The following NLGN1 variants were observed in gnomAD, a reference collection of about 807,000 sequenced individuals.
NLGN1 encodes neuroligin 1.
NLGN1 carries 12 observed loss-of-function variants against 65.5 expected under a neutral mutation model. The observed-to-expected ratio is 0.18, with a 90% CI of 0.12 to 0.30. The LOEUF is 0.30. NLGN1 is among the 10% of genes least tolerant of loss of function. The probability of loss-of-function intolerance (pLI) is 1.00; values close to 1 mark genes in which losing one functional copy is unlikely to be tolerated. For missense variants in NLGN1, 750 were observed against 1,007.1 expected, an observed-to-expected ratio of 0.74 and a Z score of 3.46; for synonymous variants, 350 against 359.5, an observed-to-expected ratio of 0.97 and a Z score of 0.30.
intron 3 of NLGN1, among the ~76,000 whole-genome samples, chr3:173,766,089 T>C (rs2150234296): frequency 7.5e-6 from 1 of 133,366 alleles, no homozygotes; most frequent in South Asian, 2.3e-4. Context: ...ATGTTTTGTC[T>C]TTTTTTTTTT....
chr3:173,445,267 C>T (rs1315974545), intron 2 of NLGN1, among the ~76,000 whole-genome samples: 7 of 103,488 alleles, frequency 6.8e-5, no homozygotes, highest in African/African-American at 3.0e-4. Context: ...GACTCCGTCT[C>T]AAAAAAAAAA....
chr3:173,722,655 G>A (rs1039931222), intron 3 of NLGN1, among the ~76,000 whole-genome samples: 3 of 152,080 alleles, frequency 2.0e-5, no homozygotes, highest in African/African-American at 7.2e-5. Flanking sequence ...CAAATCCAGA[G>A]TCTGTCACAC....
At chr3:173,507,577 T>C (rs13098458) in intron 2 of NLGN1, among the ~76,000 whole-genome samples, 56,844 of 151,956 alleles carry the variant, frequency 0.37, 12,768 homozygotes, top group East Asian at 0.82. Flanking sequence ...TTGTGATTGT[T>C]TTCAGGTAAT....
rs114290993 is a variant in NLGN1 at position 174,090,737 on chromosome 3, A to T, written c.647-184578A>T. 4.0e-3 allele frequency among the ~76,000 whole-genome samples: 591 copies of T among 146,992 alleles called. 3 individuals are homozygous for T. The highest frequency in any genetic ancestry group is 0.013 in the African/African-American group (527 of 40,462). On this transcript the variant is annotated intron_variant, in intron 4 of 6. Coordinates refer to ENST00000457714, the Ensembl canonical transcript of NLGN1. ...GAAGGTGAAATTTAAGAAAACAATG[A>T]TTTTTTTTTTTTTCAGAATGTTATG...
At chr3:173,459,294 C>T (rs183297668) in intron 2 of NLGN1, among the ~76,000 whole-genome samples, 2 of 152,192 alleles carry the variant, frequency 1.3e-5, no homozygotes, top group African/African-American at 4.8e-5. Context: ...GCTACACCAA[C>T]AATTCTAATT....
At chr3:174,112,443 T>C (rs1302419663) in intron 4 of NLGN1, among the ~76,000 whole-genome samples, 1 of 151,952 alleles carries the variant, frequency 6.6e-6, no homozygotes, top group Non-Finnish European at 1.5e-5. Context: ...AAAAAAAATG[T>C]GAGAGAAGCC....
chr3:173,868,836 G>T (rs765019875), intron 4 of NLGN1, among the ~76,000 whole-genome samples: 1 of 152,056 alleles, frequency 6.6e-6, no homozygotes, highest in Non-Finnish European at 1.5e-5. Flanking sequence ...GTCTCTAGTT[G>T]AGCTTAAACC....
intron 4 of NLGN1, among the ~76,000 whole-genome samples, chr3:173,991,113 T>G (rs1721009468): frequency 6.6e-6 from 1 of 152,128 alleles, no homozygotes; most frequent in Non-Finnish European, 1.5e-5. Flanking sequence ...GTGTTGTACA[T>G]TCCTTGAGTT....
chr3:173,622,599 C>T (rs1464119582), intron 3 of NLGN1, among the ~76,000 whole-genome samples: 1 of 151,566 alleles, frequency 6.6e-6, no homozygotes, highest in Non-Finnish European at 1.5e-5. Flanking sequence ...AAAAAAAAAC[C>T]CAAAGCTTAT....
chr3:174,104,728 G>A (rs1266412055), intron 4 of NLGN1, among the ~76,000 whole-genome samples: 1 of 152,140 alleles, frequency 6.6e-6, no homozygotes, highest in Non-Finnish European at 1.5e-5. Flanking sequence ...CAGATAAACA[G>A]GATTTTGTTA....
chr3:173,788,224 A>G lies in NLGN1; in HGVS notation c.494-19456A>G, dbSNP rs929522088. On this transcript the variant is annotated intron_variant, in intron 3 of 6. Transcript: ENST00000457714. The stretch of plus-strand genomic sequence containing the variant: ...CATTTTGCAAAAAAAAAAAAAAAAA[A>G]AAAGAAAAAGTTTATTTTTATCTTT... 1.3e-3 allele frequency among the ~76,000 whole-genome samples: 201 copies of G among 150,908 alleles called. 2 individuals are homozygous for G. The highest frequency in any genetic ancestry group is 5.6e-3 in the South Asian group (27 of 4,826).
chr3:173,773,388 G>C (rs573919381), intron 3 of NLGN1, among the ~76,000 whole-genome samples: 1 of 152,304 alleles, frequency 6.6e-6, no homozygotes, highest in South Asian at 2.1e-4. Flanking sequence ...TTCACAGGCA[G>C]CTTATTGGTC....
intron 4 of NLGN1, among the ~76,000 whole-genome samples, chr3:173,873,711 T>A (rs1198291323): frequency 6.6e-6 from 1 of 152,186 alleles, no homozygotes; most frequent in African/African-American, 2.4e-5. Flanking sequence ...TTCTCTTAAT[T>A]GTCATCATCT....
chr3:174,164,670 G>C (rs751568914), intron 4 of NLGN1, among the ~76,000 whole-genome samples: 4 of 152,046 alleles, frequency 2.6e-5, no homozygotes, highest in Non-Finnish European at 4.4e-5. Context: ...GATGGTTGTA[G>C]GTGTGTGGTT....
intron 4 of NLGN1, among the ~76,000 whole-genome samples, chr3:174,013,082 A>G (rs1172757645): frequency 6.6e-6 from 1 of 152,206 alleles, no homozygotes; most frequent in African/African-American, 2.4e-5. Flanking sequence ...GTAAATTCAG[A>G]AATGAGAGTA....
intron 4 of NLGN1, among the ~76,000 whole-genome samples, chr3:174,043,001 A>G (rs1732695899): frequency 6.6e-6 from 1 of 152,212 alleles, no homozygotes; most frequent in Non-Finnish European, 1.5e-5. Context: ...GAAACTTACA[A>G]TCATGGTGGA....
intron 4 of NLGN1, among the ~76,000 whole-genome samples, chr3:174,078,327 T>C (rs28435913): frequency 0.25 from 38,162 of 152,036 alleles, 5,602 homozygotes; most frequent in African/African-American, 0.41. Flanking sequence ...ACACAGCTTG[T>C]GCAGTGTGGA....
chr3:174,072,225 G>A (rs1740046970), intron 4 of NLGN1, among the ~76,000 whole-genome samples: 2 of 152,262 alleles, frequency 1.3e-5, no homozygotes, highest in South Asian at 2.1e-4. Flanking sequence ...ATGAACCAGA[G>A]AATTCATGGG....
intron 4 of NLGN1, among the ~76,000 whole-genome samples, chr3:173,811,114 G>A (rs1372778729): frequency 6.6e-6 from 1 of 152,044 alleles, no homozygotes; most frequent in Non-Finnish European, 1.5e-5. Flanking sequence ...CACATTCTTT[G>A]TCCTCAGCCA....
Sources: gnomAD v4.1 joint callset for allele counts (sites outside exome capture counted in the v4.1 genomes callset) on GRCh38, gnomAD v4.1.1 for gene constraint, MANE v1.5 for transcripts, NCBI Gene and HGNC (gene_info 2026-07-23, HGNC 2026-07-21) for gene names.